The following IGBP1C variants were observed in gnomAD, a reference collection of about 807,000 sequenced individuals.
IGBP1C encodes IGBP1 family member C.
the IGBP1C span, chr17:58,666,628 G>A: frequency 6.6e-6 from 1 of 152,162 alleles, no homozygotes; most frequent in African/African-American, 2.4e-5. Context: ...AGCACAAAGT[G>A]CAACGAATAA....
At chr17:58,664,738 T>C in the IGBP1C span, among the ~76,000 whole-genome samples, 1 of 152,234 alleles carries the variant, frequency 6.6e-6, no homozygotes, top group African/African-American at 2.4e-5. Context: ...AAAATATATG[T>C]TAAAAATGCT....
chr17:58,660,493 G>C, the IGBP1C span: 1 of 699,328 alleles, frequency 1.4e-6, no homozygotes, highest in Non-Finnish European at 2.6e-6. Flanking sequence ...CACAGCTGTA[G>C]GGGAGCTCAG....
At chr17:58,661,321 T>C in the IGBP1C span, 10 of 868,796 alleles carry the variant, frequency 1.2e-5, no homozygotes, top group Admixed American at 3.4e-5. Flanking sequence ...GGTTGACTTG[T>C]TTCATGGTGA....
the IGBP1C span, among the ~76,000 whole-genome samples, chr17:58,674,536 G>C: frequency 6.6e-6 from 1 of 150,868 alleles, no homozygotes; most frequent in African/African-American, 2.4e-5. Context: ...TGAGCATGGT[G>C]GCTCAGGCCT....
the IGBP1C span, chr17:58,679,653 C>A: frequency 2.0e-5 from 3 of 152,184 alleles, no homozygotes; most frequent in Admixed American, 1.3e-4. Flanking sequence ...AAAAATCCAC[C>A]TTTAATGATC....
At chr17:58,668,665 T>C in the IGBP1C span, among the ~76,000 whole-genome samples, 2 of 152,186 alleles carry the variant, frequency 1.3e-5, no homozygotes, top group African/African-American at 2.4e-5. Context: ...TTAAAATCCA[T>C]GTAGTCATCC....
the IGBP1C span, among the ~76,000 whole-genome samples, chr17:58,686,656 C>T: frequency 1.3e-5 from 2 of 152,048 alleles, no homozygotes; most frequent in African/African-American, 2.4e-5. Context: ...TTCAAAGAGT[C>T]GTGGACAACA....
At chr17:58,677,016 G>C in the IGBP1C span, among the ~76,000 whole-genome samples, 2 of 151,334 alleles carry the variant, frequency 1.3e-5, no homozygotes, top group Non-Finnish European at 2.9e-5. Flanking sequence ...CTACTCAGGA[G>C]GCTGAGGCAG....
At chr17:58,666,394 C>T in the IGBP1C span, 1 of 134,380 alleles carries the variant, frequency 7.4e-6, no homozygotes, top group Non-Finnish European at 1.5e-5. Flanking sequence ...GAAGGCTGAG[C>T]GCATGAATTC....
At chr17:58,674,930 G>A in the IGBP1C span, among the ~76,000 whole-genome samples, 2 of 150,540 alleles carry the variant, frequency 1.3e-5, no homozygotes, top group Non-Finnish European at 3.0e-5. Flanking sequence ...TGCATCACTT[G>A]AAGCCAGGAG....
the IGBP1C span, among the ~76,000 whole-genome samples, chr17:58,681,475 T>C: frequency 2.8e-4 from 42 of 152,286 alleles, no homozygotes; most frequent in Middle Eastern, 3.4e-3. Flanking sequence ...TTATGTAATA[T>C]ATATATACAT....
At chr17:58,688,254 G>A in the IGBP1C span, among the ~76,000 whole-genome samples, 1 of 151,888 alleles carries the variant, frequency 6.6e-6, no homozygotes, top group South Asian at 2.1e-4. Context: ...CCAAATAGCT[G>A]GGACTATAGG....
the IGBP1C span, among the ~76,000 whole-genome samples, chr17:58,685,358 C>G: frequency 1.5e-4 from 23 of 150,604 alleles, no homozygotes; most frequent in African/African-American, 5.6e-4. Context: ...ATCGCTTGAA[C>G]GTGGGAGGTG....
chr17:58,663,882 A>G, the IGBP1C span, among the ~76,000 whole-genome samples: 1 of 152,112 alleles, frequency 6.6e-6, no homozygotes, highest in Non-Finnish European at 1.5e-5. Flanking sequence ...TAAAAACCAT[A>G]CTAACTCTAT....
chr17:58,687,683 A>G, the IGBP1C span, among the ~76,000 whole-genome samples: 2 of 152,052 alleles, frequency 1.3e-5, no homozygotes, highest in Non-Finnish European at 2.9e-5. Context: ...AAAAAAATAA[A>G]CTTCTCCCCA....
chr17:58,685,938 T>C, the IGBP1C span, among the ~76,000 whole-genome samples: 1 of 133,122 alleles, frequency 7.5e-6, no homozygotes, highest in Non-Finnish European at 1.5e-5. Context: ...GAGGTTGCAG[T>C]GAGCCGAGAT....
the IGBP1C span, among the ~76,000 whole-genome samples, chr17:58,683,549 G>C: frequency 2.1e-5 from 3 of 140,902 alleles, no homozygotes; most frequent in Non-Finnish European, 3.1e-5. Flanking sequence ...GATAACCTGA[G>C]GTCAGGAGTT....
chr17:58,681,638 C>T, the IGBP1C span, among the ~76,000 whole-genome samples: 1 of 151,722 alleles, frequency 6.6e-6, no homozygotes, highest in Admixed American at 6.6e-5. Flanking sequence ...TCATTTGAGG[C>T]CAGGAGTTCG....
chr17:58,685,996 C>CAAAAAAAAAAA, the IGBP1C span, among the ~76,000 whole-genome samples: 1 of 82,648 alleles, frequency 1.2e-5, no homozygotes, highest in Non-Finnish European at 2.2e-5. Flanking sequence ...CTCTGTCTCA[C>CAAAAAAAAAAA]AAAAAAAAAA....
Sources: gnomAD v4.1 joint callset for allele counts (sites outside exome capture counted in the v4.1 genomes callset) on GRCh38, gnomAD v4.1.1 for gene constraint, MANE v1.5 for transcripts, NCBI Gene and HGNC (gene_info 2026-07-23, HGNC 2026-07-21) for gene names.